The following CAMKK2 variants were observed in gnomAD, a reference collection of about 807,000 sequenced individuals.
The protein encoded by CAMKK2 is calcium/calmodulin-dependent protein kinase kinase 2.
In CAMKK2, 30 loss-of-function variants were observed where a neutral mutation model predicts 67.2. The ratio of observed to expected loss-of-function variants is 0.45; its 90% CI spans 0.33 to 0.61. The LOEUF is 0.61. Ranked by LOEUF, CAMKK2 falls within the 20% of genes least tolerant of loss-of-function variation. The pLI is 0.02. For missense variants in CAMKK2, 643 were observed against 802.0 expected, an observed-to-expected ratio of 0.80 and a Z score of 2.39; for synonymous variants, 322 against 326.2, an observed-to-expected ratio of 0.99 and a Z score of 0.14.
chr12:121,255,381 T>TA (rs1244649931), intron 9 of CAMKK2, among the ~76,000 whole-genome samples, 169 bp downstream of exon 9: 24 of 1,730 alleles, frequency 0.014, 3 homozygotes, highest in East Asian at 0.033. Flanking sequence ...TATATATAAT[T>TA]TTATATATAT....
intron 10 of CAMKK2, among the ~76,000 whole-genome samples, 173 bp from the exon 11 acceptor site, chr12:121,252,887 ACCACTACCCCCAGCCACAGTGAT>A (rs1891067621): frequency 6.6e-6 from 1 of 152,116 alleles, no homozygotes; most frequent in African/African-American, 2.4e-5. Context: ...CAATGAGAGC[ACCACTACCCCCAGCCACAGTGAT>A]TGGTTCAAGC....
rs1566024202 is a variant in CAMKK2, at chr12:121,240,705, G to GGGCTCCATGGCC, written c.1749_1760dup (p.Ala584_Pro587dup). The stretch of plus-strand genomic sequence containing the variant: ...GGTCGAGCGATCCAGGCAGCTACTC[G>GGGCTCCATGGCC]GGCTCCATGGCCTCCTCCGGCCGCA... On this transcript the variant is annotated inframe_insertion, in exon 17 of 17. Coordinates refer to ENST00000404169, the MANE Select transcript of CAMKK2 (RefSeq NM_001270485.2). The surrounding 1 kb of genome is among the most constrained non-coding windows in gnomAD (Gnocchi z 4.4). 1 of 1,601,184 alleles carries GGGCTCCATGGCC rather than the reference G, an allele frequency of 6.2e-7. No individual in the cohort carries two copies.
At chr12:121,276,868 G>A (rs1034180494) in intron 1 of CAMKK2, among the ~76,000 whole-genome samples, 1 of 127,660 alleles carries the variant, frequency 7.8e-6, no homozygotes, top group Non-Finnish European at 1.6e-5. Flanking sequence ...CCTGCCAACA[G>A]AGGGAGACTC....
At chr12:121,256,004 G>A (rs1892204766) in intron 7 of CAMKK2, among the ~76,000 whole-genome samples, 200 bp from the exon 8 acceptor site, 1 of 152,164 alleles carries the variant, frequency 6.6e-6, no homozygotes, top group African/African-American at 2.4e-5. Flanking sequence ...AAAGAACCAG[G>A]GATTTCTGAC....
chr12:121,255,315 T>TATATATATATA (rs1566059576), intron 9 of CAMKK2, among the ~76,000 whole-genome samples: 2 of 5,614 alleles, frequency 3.6e-4, no homozygotes, highest in Non-Finnish European at 7.4e-4. Flanking sequence ...TATATATAAT[T>TATATATATATA]TTATATATAT....
intron 13 of CAMKK2, among the ~76,000 whole-genome samples, chr12:121,249,331 G>C (rs1890169183): frequency 6.6e-6 from 1 of 152,264 alleles, no homozygotes. Context: ...CATTAGTGGA[G>C]ATGTGTAGGG....
chr12:121,257,518 G>A (rs1892580803), intron 7 of CAMKK2, among the ~76,000 whole-genome samples: 1 of 152,090 alleles, frequency 6.6e-6, no homozygotes, highest in African/African-American at 2.4e-5. Flanking sequence ...AAAGTGCTGG[G>A]GTTACAGGCA....
intron 11 of CAMKK2, among the ~76,000 whole-genome samples, chr12:121,251,222 T>C (rs1008893130): frequency 3.9e-5 from 6 of 152,280 alleles, no homozygotes; most frequent in Non-Finnish European, 7.4e-5. Flanking sequence ...TGGTGGTAAC[T>C]TACTCTGAAA....
At position 121,269,736 on chromosome 12, in the gene CAMKK2, A is replaced by G. The variant is rs548372166; in HGVS notation, c.520-155T>C. 6.3e-6 allele frequency: 4 copies of G among 634,476 alleles called. No homozygotes were observed. The African/African-American group carries it at 7.3e-5, about 12-fold the overall frequency. The allele number at this position is 634,476 out of a possible 1,614,324, so 39.3% of individuals were successfully genotyped here. A position where few individuals can be genotyped will look rare whatever the true frequency, so the allele number is the denominator to read the frequency against. The stretch of plus-strand genomic sequence containing the variant: ...CCCAGGTTTTTACAAAGTTTGGATT[A>G]GTTGCCAAGATTTAAAAACAGAAAG... On this transcript the variant is annotated intron_variant, in intron 3 of 16. Transcript: ENST00000404169.
At chr12:121,258,842 A>ATTTT (rs63519464) in intron 7 of CAMKK2, among the ~76,000 whole-genome samples, 2 of 129,584 alleles carry the variant, frequency 1.5e-5, no homozygotes, top group East Asian at 2.2e-4. Flanking sequence ...GTCAAAGCCA[A>ATTTT]TTTTTTTTTT....
intron 1 of CAMKK2, among the ~76,000 whole-genome samples, chr12:121,293,928 T>G (rs1470461486): frequency 2.6e-5 from 4 of 151,650 alleles, no homozygotes; most frequent in Non-Finnish European, 5.9e-5. Flanking sequence ...GGTGATTTTT[T>G]TTTGTTTTTT....
At chr12:121,268,537 G>T in intron 5 of CAMKK2, 101 bp downstream of exon 5, 1 of 1,099,020 alleles carries the variant, frequency 9.1e-7, no homozygotes, top group Non-Finnish European at 1.4e-6. Context: ...TGGAACTACA[G>T]GCATGTGGCA....
chr12:121,241,822 G>A (rs560132086), intron 16 of CAMKK2, among the ~76,000 whole-genome samples: 10 of 152,230 alleles, frequency 6.6e-5, no homozygotes, highest in Non-Finnish European at 1.2e-4. Flanking sequence ...CTCTGCCCTC[G>A]CAGTTGCCTG....
intron 5 of CAMKK2, among the ~76,000 whole-genome samples, chr12:121,266,940 C>A (rs1894672248): frequency 6.7e-6 from 1 of 148,166 alleles, no homozygotes; most frequent in Non-Finnish European, 1.5e-5. Context: ...ACTAAAAGTG[C>A]TAAAAGCCAA....
At chr12:121,281,932 C>T (rs1005140523) in intron 1 of CAMKK2, among the ~76,000 whole-genome samples, 1 of 152,042 alleles carries the variant, frequency 6.6e-6, no homozygotes, top group Non-Finnish European at 1.5e-5. Context: ...GGTGACAAAG[C>T]GAGAGTCCAT....
chr12:121,291,876 T>C (rs1229146219), intron 1 of CAMKK2, among the ~76,000 whole-genome samples: 4 of 151,794 alleles, frequency 2.6e-5, no homozygotes, highest in Non-Finnish European at 5.9e-5. Flanking sequence ...GCCAACATGG[T>C]GAAACCCCGT....
chr12:121,257,827 T>C (rs1892650620), intron 7 of CAMKK2, among the ~76,000 whole-genome samples: 2 of 152,060 alleles, frequency 1.3e-5, no homozygotes, highest in African/African-American at 4.8e-5. Flanking sequence ...CCTTGGTTAT[T>C]TAAGTCTTCA....
rs201551966 is a variant in CAMKK2 at position 121,274,193 on chromosome 12, C to T, written c.334G>A (p.Gly112Ser). The T allele has an allele frequency of 1.1e-5, 17 of 1,600,888 alleles. No homozygotes were observed. Among genetic ancestry groups the T allele is most frequent in the Non-Finnish European group, 1.2e-5 (14 of 1,171,772 alleles). ...QERSQGGLAA[G>S]GSLDMNGRCI... is the part of the protein sequence containing the mutation. The stretch of plus-strand genomic sequence containing the variant: ...CGTCCGTTCATGTCCAGGCTGCCAC[C>T]GGCTGCCAGCCCACCCTGGGACCGC... Residue 112 changes from glycine (G) to serine (S), a missense_variant, in exon 2 of 17, where the codon GGT becomes AGT. By Grantham distance (56) the Gly-to-Ser change is moderately conservative. Transcript: ENST00000404169.
rs201806782 is a variant in CAMKK2, at chr12:121,253,503, A to G, written c.908-31T>C. ...GAGGCGTAGACAGCAGGTGGGAGAT[A>G]GGGGCAGGAAAACCTCGTGAGCACC... is the stretch of plus-strand genomic sequence containing the variant. On this transcript the variant is annotated intron_variant, in intron 9 of 16. Coordinates refer to ENST00000404169, the MANE Select transcript of CAMKK2 (RefSeq NM_001270485.2). This position sits in a 1 kb window ranked among gnomAD's most constrained non-coding sequence, Gnocchi z 5.0. 3.7e-5 allele frequency: 60 copies of G among 1,600,720 alleles called. 1 individual carries two copies. The East Asian group carries it at 1.3e-3, about 35-fold the overall frequency.
Sources: allele counts gnomAD v4.1 joint callset (sites outside exome capture counted in the v4.1 genomes callset), GRCh38; gene constraint gnomAD v4.1.1; non-coding constraint Gnocchi (gnomAD v3.1); transcripts MANE v1.5; gene names NCBI Gene and HGNC (gene_info 2026-07-23, HGNC 2026-07-21).